PTPRT: variants seen among roughly 807,000 people sequenced by gnomAD.
The protein encoded by PTPRT is receptor-type tyrosine-protein phosphatase T.
In PTPRT, 56 loss-of-function variants were observed where a neutral mutation model predicts 176.8. The observed-to-expected ratio is 0.32, with a 90% CI of 0.26 to 0.40. The LOEUF (loss-of-function observed/expected upper bound fraction) is 0.40, where lower values mean the gene tolerates loss of function less well. Ranked by LOEUF, PTPRT falls within the 10% of genes least tolerant of loss-of-function variation. The pLI, the probability that PTPRT is intolerant of heterozygous loss-of-function variation, is 1.00. For synonymous variants in PTPRT, 783 were observed against 739.0 expected (o/e 1.06, Z -0.96); for missense variants, 1,540 against 1,908.2 (o/e 0.81, Z 3.60).
chr20:42,733,298 G>T (rs1011031757), intron 6 of PTPRT, among the ~76,000 whole-genome samples: 1 of 152,150 alleles, frequency 6.6e-6, no homozygotes, highest in Admixed American at 6.5e-5. Flanking sequence ...TAGACGAGGG[G>T]GGTTCACTCT....
chr20:42,479,193 AT>A (rs1431074200), intron 7 of PTPRT, among the ~76,000 whole-genome samples: 1 of 152,222 alleles, frequency 6.6e-6, no homozygotes, highest in East Asian at 1.9e-4. Flanking sequence ...CAGATTTTCA[AT>A]TCATGAATTT....
chr20:42,218,105 T>A (rs1427921317), intron 15 of PTPRT, among the ~76,000 whole-genome samples: 1 of 152,170 alleles, frequency 6.6e-6, no homozygotes, highest in Non-Finnish European at 1.5e-5. Context: ...GGTTAAAGCC[T>A]CGTAAATGTC....
chr20:42,974,683 C>T (rs143260681), intron 1 of PTPRT, among the ~76,000 whole-genome samples: 57 of 152,304 alleles, frequency 3.7e-4, no homozygotes, highest in African/African-American at 1.2e-3. Context: ...AGTTCCACTA[C>T]GGCTAGAGAC....
intron 7 of PTPRT, among the ~76,000 whole-genome samples, chr20:42,532,115 TGAA>T (rs2072394884): frequency 1.3e-5 from 2 of 152,110 alleles, no homozygotes; most frequent in Non-Finnish European, 2.9e-5. Flanking sequence ...TGCTTGGGGA[TGAA>T]GAACAACAGA....
intron 1 of PTPRT, among the ~76,000 whole-genome samples, chr20:43,037,723 A>G (rs935444707): frequency 1.3e-5 from 2 of 152,144 alleles, no homozygotes; most frequent in Non-Finnish European, 2.9e-5. Context: ...TCTCTTCCAC[A>G]TAACCCTCAT....
At chr20:42,888,030 T>G (rs2079130485) in intron 1 of PTPRT, among the ~76,000 whole-genome samples, 1 of 152,180 alleles carries the variant, frequency 6.6e-6, no homozygotes, top group African/African-American at 2.4e-5. Flanking sequence ...CCAAATCTGC[T>G]ATCACCTTGA....
In PTPRT at chr20:42,916,002, G is replaced by T. The variant is rs189232149; in HGVS notation, c.89-30070C>A. On this transcript the variant is annotated intron_variant, in intron 1 of 30. Transcript: ENST00000373187. ...ATTATACTTTAAGTTTTAGGGTACA[G>T]GTGCACAATGTGCAGGTTAGTTACA... 2.5e-3 allele frequency among the ~76,000 whole-genome samples: 380 copies of T among 151,920 alleles called. 1 individual carries two copies. The highest frequency in any genetic ancestry group is 8.7e-3 in the African/African-American group (360 of 41,414).
chr20:42,697,939 A>C (rs1236255889), intron 6 of PTPRT, among the ~76,000 whole-genome samples: 1 of 152,236 alleles, frequency 6.6e-6, no homozygotes, highest in Non-Finnish European at 1.5e-5. Flanking sequence ...GCTTAAAGCC[A>C]CATATAACAA....
chr20:42,278,568 G>A (rs759526227), intron 13 of PTPRT, among the ~76,000 whole-genome samples: 1 of 152,108 alleles, frequency 6.6e-6, no homozygotes, highest in Non-Finnish European at 1.5e-5. Flanking sequence ...GAATTAGAAA[G>A]ACAGGACATC....
At chr20:42,034,965 T>C in the PTPRT span, among the ~76,000 whole-genome samples, 1 of 151,932 alleles carries the variant, frequency 6.6e-6, no homozygotes, top group Admixed American at 6.6e-5. Context: ...GGTTGGGGAG[T>C]CTCAGTCTGG....
At chr20:42,559,369 A>C (rs543339312) in intron 7 of PTPRT, among the ~76,000 whole-genome samples, 1 of 152,310 alleles carries the variant, frequency 6.6e-6, no homozygotes, top group East Asian at 1.9e-4. Context: ...TCGTCTTAGC[A>C]ACATATGTAA....
chr20:42,542,357 A>C (rs1184923013), intron 7 of PTPRT, among the ~76,000 whole-genome samples: 2 of 152,160 alleles, frequency 1.3e-5, no homozygotes, highest in Admixed American at 1.3e-4. Flanking sequence ...TTTATTAATA[A>C]GCCAACAGAA....
At chr20:42,966,421 C>G (rs1390773826) in intron 1 of PTPRT, 2 of 152,162 alleles carry the variant, frequency 1.3e-5, no homozygotes, top group Non-Finnish European at 2.9e-5. Context: ...GTCCCTCCTG[C>G]TCTCTTATTA....
intron 23 of PTPRT, among the ~76,000 whole-genome samples, chr20:42,109,278 T>C (rs1213629022): frequency 6.6e-6 from 1 of 151,990 alleles, no homozygotes; most frequent in Non-Finnish European, 1.5e-5. Flanking sequence ...GCATCCAGGG[T>C]CTGAAAAGAT....
rs189853562 is a variant in PTPRT at position 42,652,765 on chromosome 20, G to T, written c.1153+25101C>A. 4.5e-4 allele frequency among the ~76,000 whole-genome samples: 68 copies of T among 152,226 alleles called. 1 individual carries two copies. The highest frequency in any genetic ancestry group is 1.2e-4 in the Non-Finnish European group (8 of 68,018). ...CCCCATCTTTGTGTCACATCACTTA[G>T]TGCAGATTTCCTGAACAGTGTGTCC... On this transcript the variant is annotated intron_variant, in intron 7 of 30. Transcript: ENST00000373187.
intron 19 of PTPRT, among the ~76,000 whole-genome samples, chr20:42,125,761 C>T (rs1488967068): frequency 6.6e-6 from 1 of 152,084 alleles, no homozygotes; most frequent in Non-Finnish European, 1.5e-5. Context: ...GTATCTTGGC[C>T]CTGACTGTAG....
intron 15 of PTPRT, among the ~76,000 whole-genome samples, chr20:42,225,021 T>G (rs776855067): frequency 6.6e-6 from 1 of 152,206 alleles, no homozygotes; most frequent in South Asian, 2.1e-4. Flanking sequence ...TGTATAAAAA[T>G]GACATTGTCT....
At chr20:42,706,159 ATCTCTC>A (rs113720952) in intron 6 of PTPRT, among the ~76,000 whole-genome samples, 7 of 141,762 alleles carry the variant, frequency 4.9e-5, no homozygotes, top group African/African-American at 1.8e-4. Context: ...GTCTCTCTTT[ATCTCTC>A]TCTCTCTCTC....
At chr20:43,016,068 G>A (rs993731253) in intron 1 of PTPRT, among the ~76,000 whole-genome samples, 1 of 152,060 alleles carries the variant, frequency 6.6e-6, no homozygotes, top group Non-Finnish European at 1.5e-5. Flanking sequence ...TCTCTCCTGA[G>A]GATTATCTGA....
Sources: gnomAD v4.1 joint callset for allele counts (sites outside exome capture counted in the v4.1 genomes callset) on GRCh38, gnomAD v4.1.1 for gene constraint, MANE v1.5 for transcripts, NCBI Gene and HGNC (gene_info 2026-07-23, HGNC 2026-07-21) for gene names.